Variants in CFAP251 observed in about 807,000 individuals in gnomAD.
CFAP251 encodes the protein cilia- and flagella-associated protein 251.
Under a neutral mutation model 126.7 loss-of-function variants are expected in CFAP251, and 93 were observed. That is an observed-to-expected ratio of 0.73 (90% CI 0.62 to 0.87). The LOEUF (loss-of-function observed/expected upper bound fraction) is 0.87, where lower values mean the gene tolerates loss of function less well. Ranked by LOEUF, CFAP251 falls within the 40% of genes least tolerant of loss-of-function variation. The pLI is 0.00. For missense variants in CFAP251, 1,287 were observed against 1,389.2 expected (o/e 0.93, Z 1.17); for synonymous variants, 503 against 506.9 (o/e 0.99, Z 0.10).
Position 121,921,680 on chromosome 12 carries a change from C to G in CFAP251, c.375C>G (p.Phe125Leu). 6.2e-7 allele frequency: 1 copy of G among 1,605,068 alleles called. No homozygotes were observed. The highest frequency in any genetic ancestry group is 1.3e-5 in the African/African-American group (1 of 74,534). The change falls in exon 2 of 22, where the codon TTC becomes TTG. Residue 125 changes from phenylalanine to leucine, a missense_variant. Phe to Leu is a conservative substitution (Grantham distance 22, BLOSUM62 0). Transcript: ENST00000288912. ...CCCAGTCAATCACATCAGGAATTTT[C>G]CCAGTAAGTAGTCATCTTAATTCAT... ...TDSQSITSGIFPKTQRGSKSK... is the reference protein window; with the variant it reads ...TDSQSITSGILPKTQRGSKSK...
At chr12:121,957,596 C>G (rs547520608) in intron 11 of CFAP251, among the ~76,000 whole-genome samples, 1 of 148,402 alleles carries the variant, frequency 6.7e-6, no homozygotes, top group South Asian at 2.1e-4. Context: ...CCCAGCTACT[C>G]GGGAGGCTGA....
chr12:121,936,828 G>C lies in CFAP251; in HGVS notation c.998+2472G>C, dbSNP rs1222337071. On this transcript the variant is annotated intron_variant, in intron 5 of 21. Transcript: ENST00000288912. Reference sequence around the variant, plus strand: ...GCCGTGCTGGGCAGGGTGGGAATAAGAACAGGGAATGTGACTGGTGGTGGC... The same window carrying C: ...GCCGTGCTGGGCAGGGTGGGAATAACAACAGGGAATGTGACTGGTGGTGGC... 2.0e-5 allele frequency among the ~76,000 whole-genome samples: 3 copies of C among 152,172 alleles called. No homozygotes were observed. The South Asian group carries it at 6.2e-4, about 32-fold the overall frequency.
In CFAP251 at chr12:121,975,686, G is replaced by T; in HGVS notation, c.3006+1G>T. On this transcript the variant is annotated splice_donor_variant, in intron 19 of 21. Coordinates refer to ENST00000288912, the MANE Select transcript of CFAP251 (RefSeq NM_144668.6). LOFTEE classifies it high-confidence loss of function. ...TGGCTTTTACCCATCTGAAGAGAAG[G>T]TAGGGAGAACGAAAACAAGAGCAGC... The T allele has an allele frequency of 6.4e-7, 1 of 1,556,994 alleles. No homozygotes were observed. Among genetic ancestry groups the T allele is most frequent in the Non-Finnish European group, 8.7e-7 (1 of 1,155,560 alleles).
intron 8 of CFAP251, chr12:121,950,125 C>A (rs547498374): frequency 6.6e-6 from 1 of 152,170 alleles, no homozygotes; most frequent in Non-Finnish European, 1.5e-5. Flanking sequence ...GTGGTCTATC[C>A]ATACAATGGA....
chr12:121,960,477 C>T (rs11043273), intron 13 of CFAP251, 108 bp from the exon 14 acceptor site: 16,845 of 1,284,506 alleles, frequency 0.013, 168 homozygotes, highest in Non-Finnish European at 0.014. Context: ...CTCGGCCTCC[C>T]AAAGTGCTGG....
intron 19 of CFAP251, among the ~76,000 whole-genome samples, chr12:121,995,436 ATATCAATTATG>A (rs1306633174): frequency 4.6e-5 from 7 of 152,344 alleles, no homozygotes; most frequent in Non-Finnish European, 2.9e-5. Context: ...TACTTTTATA[ATATCAATTATG>A]TATCAATTAC....
intron 17 of CFAP251, chr12:121,969,825 C>T (rs1161096244): frequency 1.0e-6 from 1 of 985,242 alleles, no homozygotes; most frequent in Non-Finnish European, 1.2e-6. Flanking sequence ...GTCGTGGGAT[C>T]TGGAATGGTA....
Position 121,968,051 on chromosome 12 carries a change from T to G in CFAP251, c.2653T>G (p.Ser885Ala), listed in dbSNP as rs572653735. ...LPVDGNPHKTSAIVCHPNGVA... is the reference protein window; with the variant it reads ...LPVDGNPHKTAAIVCHPNGVA... ...AGTTGACGGCAATCCACATAAGACA[T>G]CTGCTATTGTTTGCCACCCGAACGG... Residue 885 changes from serine to alanine, a missense_variant, in exon 17 of 22, where the codon TCT becomes GCT. By Grantham distance (99) the Ser-to-Ala change is moderately conservative (BLOSUM62 1). Transcript: ENST00000288912. 6.2e-7 allele frequency: 1 copy of G among 1,613,138 alleles called. No homozygotes were observed. Among genetic ancestry groups the G allele is most frequent in the South Asian group, 1.1e-5 (1 of 91,014 alleles).
intron 17 of CFAP251, chr12:121,969,689 C>T (rs1882270207): frequency 3.2e-6 from 3 of 925,932 alleles, no homozygotes; most frequent in Non-Finnish European, 3.9e-6. Flanking sequence ...CAGAGTCACA[C>T]CAAGCCTAGG....
At chr12:121,921,792 C>CT (rs3040015) in intron 2 of CFAP251, 109 bp downstream of exon 2, 51,131 of 767,136 alleles carry the variant, frequency 0.067, 104 homozygotes, top group East Asian at 0.1. Context: ...CAATCCATTC[C>CT]TTTTTTTTTT....
At chr12:121,954,527 CAAAG>C (rs1465379953) in intron 10 of CFAP251, among the ~76,000 whole-genome samples, 193 bp downstream of exon 10, 5 of 142,568 alleles carry the variant, frequency 3.5e-5, no homozygotes, top group African/African-American at 7.9e-5. Flanking sequence ...TACCAAAAAA[CAAAG>C]AGAGAGAGAT....
At chr12:121,943,524 G>A (rs1167096887) in intron 7 of CFAP251, among the ~76,000 whole-genome samples, 2 of 152,054 alleles carry the variant, frequency 1.3e-5, no homozygotes, top group Non-Finnish European at 2.9e-5. Context: ...CCAGGTTCAA[G>A]CGATTCTCCT....
intron 21 of CFAP251, among the ~76,000 whole-genome samples, chr12:122,003,171 A>G (rs1306014984): frequency 2.6e-5 from 4 of 152,204 alleles, no homozygotes. Context: ...ATTTTTAAGC[A>G]ATTTCCACCC....
chr12:121,925,778 C>T (rs1399295926), intron 3 of CFAP251, among the ~76,000 whole-genome samples: 7 of 152,324 alleles, frequency 4.6e-5, no homozygotes, highest in Non-Finnish European at 1.0e-4. Flanking sequence ...GGTCTCACTG[C>T]GGAACCAAAA....
intron 5 of CFAP251, among the ~76,000 whole-genome samples, chr12:121,935,976 A>G (rs920500981): frequency 1.3e-5 from 2 of 152,156 alleles, no homozygotes; most frequent in African/African-American, 4.8e-5. Context: ...CTGATAGTGC[A>G]TCCAACAAGG....
chr12:121,969,210 C>G (rs570589403), intron 17 of CFAP251: 3 of 985,420 alleles, frequency 3.0e-6, no homozygotes, highest in South Asian at 4.7e-5. Context: ...GATATTGAAG[C>G]TTCTACTCTT....
intron 19 of CFAP251, 199 bp from the exon 20 acceptor site, chr12:121,999,517 G>C: frequency 2.2e-6 from 1 of 452,864 alleles, no homozygotes; most frequent in Non-Finnish European, 4.0e-6. Context: ...TGTATTTTTA[G>C]TAGAGACAGG....
intron 9 of CFAP251, among the ~76,000 whole-genome samples, chr12:121,951,915 G>T (rs1881543040): frequency 6.6e-6 from 1 of 151,674 alleles, no homozygotes. Context: ...GTAGAGACGG[G>T]GTTTCACTGT....
Position 121,960,720 on chromosome 12 carries a change from G to A in CFAP251, c.2269G>A (p.Glu757Lys). The change falls in exon 14 of 22, where the codon GAG (glutamate) becomes AAG (lysine). Residue 757 changes from glutamate to lysine, a missense_variant. Coordinates refer to ENST00000288912, the MANE Select transcript of CFAP251 (RefSeq NM_144668.6). ...GTTTGGGGTTTACCTGGACAGCAATGAGCCTAGACTGCTGAGCCTTGGGAC... is the reference window on the plus strand; with the variant it reads ...GTTTGGGGTTTACCTGGACAGCAATAAGCCTAGACTGCTGAGCCTTGGGAC... ...LLFGVYLDSN[E>K]PRLLSLGTDR... 6.2e-7 allele frequency: 1 copy of A among 1,613,844 alleles called. No homozygotes were observed. Among genetic ancestry groups the A allele is most frequent in the South Asian group, 1.1e-5 (1 of 91,066 alleles).
Sources: allele counts gnomAD v4.1 joint callset (sites outside exome capture counted in the v4.1 genomes callset), GRCh38; gene constraint gnomAD v4.1.1; transcripts MANE v1.5; gene names NCBI Gene and HGNC (gene_info 2026-07-23, HGNC 2026-07-21).